FOXN3: variants seen among roughly 807,000 people sequenced by gnomAD.
The protein encoded by FOXN3 is forkhead box protein N3.
In FOXN3, 7 loss-of-function variants were observed where a neutral mutation model predicts 38.4. That is an observed-to-expected ratio of 0.18 (90% CI 0.10 to 0.34). The LOEUF (loss-of-function observed/expected upper bound fraction) is 0.34, where lower values mean the gene tolerates loss of function less well. FOXN3 is among the 10% of genes least tolerant of loss of function. The pLI, the probability that FOXN3 is intolerant of heterozygous loss-of-function variation, is 1.00. For missense variants in FOXN3, 456 were observed against 613.4 expected, an observed-to-expected ratio of 0.74 and a Z score of 2.71; for synonymous variants, 230 against 242.2, an observed-to-expected ratio of 0.95 and a Z score of 0.47.
At position 89,375,175 on chromosome 14, in the gene FOXN3, A is replaced by G. The variant is rs577495532; in HGVS notation, c.544-24367T>C. Among the ~76,000 whole-genome samples the G allele has an allele frequency of 2.0e-5, 3 of 152,322 alleles. No individual in the cohort carries two copies. The South Asian group carries it at 6.2e-4, about 32-fold the overall frequency. ...TGATGAAACTGTTCTATATCCTGAC[A>G]GTAATGGTGGTTACAGAGGTATGTA... On this transcript the variant is annotated intron_variant, in intron 2 of 5. Coordinates refer to ENST00000557258, the MANE Select transcript of FOXN3 (RefSeq NM_005197.4).
chr14:89,257,189 C>T lies in FOXN3; in HGVS notation c.745+23761G>A, dbSNP rs533509706. Among the ~76,000 whole-genome samples, 18 of 152,302 alleles carry T rather than the reference C, an allele frequency of 1.2e-4. No individual in the cohort carries two copies. The East Asian group carries it at 3.3e-3, about 28-fold the overall frequency. On this transcript the variant is annotated intron_variant, in intron 4 of 5. Coordinates refer to ENST00000557258, the MANE Select transcript of FOXN3 (RefSeq NM_005197.4). ...ATGGACACATGGACCTATTTCCATT[C>T]CATCATGAGGGGCTGAGTCCCACCA...
chr14:89,411,801 A>C, intron 2 of FOXN3, 133 bp downstream of exon 2: 1 of 503,640 alleles, frequency 2.0e-6, no homozygotes, highest in Non-Finnish European at 3.3e-6. Context: ...AATTATCTAA[A>C]TGAATTAAAT....
At chr14:89,400,758 T>C (rs1350604754) in intron 2 of FOXN3, among the ~76,000 whole-genome samples, 1 of 152,198 alleles carries the variant, frequency 6.6e-6, no homozygotes, top group Non-Finnish European at 1.5e-5. Context: ...TGCCCAGATC[T>C]TTGCATAGCT....
intron 2 of FOXN3, among the ~76,000 whole-genome samples, chr14:89,369,740 C>T (rs1890261037): frequency 6.6e-6 from 1 of 152,132 alleles, no homozygotes; most frequent in Non-Finnish European, 1.5e-5. Context: ...ATCATGAGAA[C>T]AACACAGGAA....
chr14:89,450,307 CT>C (rs1010985257), intron 1 of FOXN3, among the ~76,000 whole-genome samples: 21 of 152,228 alleles, frequency 1.4e-4, no homozygotes, highest in African/African-American at 5.1e-4. Flanking sequence ...GTGACCTTGT[CT>C]TAACTAATTA....
chr14:89,355,398 CT>C (rs11296572), intron 2 of FOXN3: 40,677 of 148,958 alleles, frequency 0.27, 6,785 homozygotes, highest in African/African-American at 0.48. Flanking sequence ...CGACTATTTT[CT>C]TTTTTTTTTG....
chr14:89,176,451 G>A (rs1286261039), intron 5 of FOXN3, among the ~76,000 whole-genome samples: 2 of 152,228 alleles, frequency 1.3e-5, no homozygotes, highest in Non-Finnish European at 2.9e-5. Context: ...AAGAGAGTGG[G>A]AAATTGGTCT....
intron 4 of FOXN3, among the ~76,000 whole-genome samples, chr14:89,245,197 G>A (rs923767588): frequency 1.3e-5 from 2 of 152,148 alleles, no homozygotes; most frequent in Middle Eastern, 3.2e-3. Context: ...AGGAAAAATC[G>A]AGTATGATGA....
intron 1 of FOXN3, among the ~76,000 whole-genome samples, chr14:89,461,764 G>C (rs1892852508): frequency 6.6e-6 from 1 of 152,172 alleles, no homozygotes; most frequent in South Asian, 2.1e-4. Flanking sequence ...CAACGATCTG[G>C]ACAGACCTTG....
At chr14:89,325,214 G>GCACCACCAT (rs1555418067) in intron 3 of FOXN3, among the ~76,000 whole-genome samples, 1 of 140,136 alleles carries the variant, frequency 7.1e-6, no homozygotes, top group East Asian at 2.1e-4. Context: ...CAACACACAT[G>GCACCACCAT]CACCACCACC....
At chr14:89,333,464 G>A (rs1242424299) in intron 3 of FOXN3, among the ~76,000 whole-genome samples, 1 of 150,086 alleles carries the variant, frequency 6.7e-6, no homozygotes, top group African/African-American at 2.5e-5. Flanking sequence ...AGAACAGTAT[G>A]GAGGTTCCTT....
At chr14:89,298,420 G>C (rs759172395) in intron 3 of FOXN3, among the ~76,000 whole-genome samples, 1 of 148,134 alleles carries the variant, frequency 6.8e-6, no homozygotes, top group Non-Finnish European at 1.5e-5. Flanking sequence ...AAAAATGCCT[G>C]GATGGCGCCA....
chr14:89,471,560 G>T (rs1471269851), intron 1 of FOXN3, among the ~76,000 whole-genome samples: 1 of 152,042 alleles, frequency 6.6e-6, no homozygotes, highest in Non-Finnish European at 1.5e-5. Context: ...CTCCAGCCTG[G>T]GAGACAGAGC....
upstream of FOXN3, among the ~76,000 whole-genome samples, chr14:89,420,968 C>A (rs1426561870): frequency 6.7e-6 from 1 of 150,058 alleles, no homozygotes; most frequent in African/African-American, 2.4e-5. Context: ...AGATCAAAAA[C>A]CAGCAGAACA....
At chr14:89,425,047 GTT>G (rs1347649012) in intron 1 of FOXN3, among the ~76,000 whole-genome samples, 1 of 118,532 alleles carries the variant, frequency 8.4e-6, no homozygotes, top group Non-Finnish European at 1.8e-5. Flanking sequence ...GTTGTGTTTT[GTT>G]TTGTTTTCTT....
intron 1 of FOXN3, among the ~76,000 whole-genome samples, chr14:89,505,375 C>G (rs1003041966): frequency 3.3e-5 from 5 of 151,792 alleles, no homozygotes; most frequent in Non-Finnish European, 7.4e-5. Flanking sequence ...AACCTCCCTG[C>G]CTGTTTCTCC....
chr14:89,519,851 C>A (rs972170008), intron 1 of FOXN3, among the ~76,000 whole-genome samples: 4 of 152,110 alleles, frequency 2.6e-5, no homozygotes, highest in African/African-American at 9.7e-5. Flanking sequence ...CAGATAAAAG[C>A]TACCAACCTT....
intron 1 of FOXN3, among the ~76,000 whole-genome samples, chr14:89,613,626 T>C (rs560491679): frequency 7.9e-4 from 120 of 152,318 alleles, no homozygotes; most frequent in African/African-American, 2.8e-3. Flanking sequence ...TATGTAATTT[T>C]TTTTTCCCAG....
At chr14:89,572,613 A>G (rs1481143075) in intron 1 of FOXN3, among the ~76,000 whole-genome samples, 1 of 152,238 alleles carries the variant, frequency 6.6e-6, no homozygotes, top group Non-Finnish European at 1.5e-5. Flanking sequence ...TATCATTAGC[A>G]ATGTCTTCTG....
Sources: gnomAD v4.1 joint callset for allele counts (sites outside exome capture counted in the v4.1 genomes callset) on GRCh38, gnomAD v4.1.1 for gene constraint, MANE v1.5 for transcripts, NCBI Gene and HGNC (gene_info 2026-07-23, HGNC 2026-07-21) for gene names.